The following ABTB3 variants were observed in gnomAD, a reference collection of about 807,000 sequenced individuals.
ABTB3 encodes the protein ankyrin repeat and BTB domain containing 3, also known as ankyrin repeat- and BTB/POZ domain-containing protein 3.
At chr12:107,403,299 C>T in the ABTB3 span, among the ~76,000 whole-genome samples, 1 of 152,164 alleles carries the variant, frequency 6.6e-6, no homozygotes, top group East Asian at 1.9e-4. Context: ...ATAAGGCCTT[C>T]TTCATTATAA....
chr12:107,457,696 C>T, the ABTB3 span, among the ~76,000 whole-genome samples: 1 of 152,248 alleles, frequency 6.6e-6, no homozygotes, highest in Admixed American at 6.5e-5. Flanking sequence ...GCAGCACTGT[C>T]ACCCAGGGCC....
chr12:107,537,352 A>C, the ABTB3 span, among the ~76,000 whole-genome samples: 1 of 152,158 alleles, frequency 6.6e-6, no homozygotes, highest in African/African-American at 2.4e-5. Flanking sequence ...ATAATGTATA[A>C]GTTCAGAAAG....
chr12:107,649,359 A>G, the ABTB3 span: 1 of 1,249,738 alleles, frequency 8.0e-7, no homozygotes, highest in Middle Eastern at 2.1e-4. Context: ...GCCTGCATGG[A>G]AGTGTCTGGA....
At chr12:107,431,743 T>A in the ABTB3 span, among the ~76,000 whole-genome samples, 1 of 152,174 alleles carries the variant, frequency 6.6e-6, no homozygotes, top group South Asian at 2.1e-4. Flanking sequence ...ATAGGGTAAA[T>A]GTACCTAATA....
the ABTB3 span, among the ~76,000 whole-genome samples, chr12:107,562,017 C>A: frequency 6.6e-6 from 1 of 152,298 alleles, no homozygotes. Context: ...CGGAAGGTGG[C>A]ATAATAGCTT....
At chr12:107,583,312 A>G in the ABTB3 span, among the ~76,000 whole-genome samples, 2 of 152,240 alleles carry the variant, frequency 1.3e-5, no homozygotes, top group Non-Finnish European at 2.9e-5. Flanking sequence ...GTATTATTCT[A>G]TAATTTTGGA....
chr12:107,649,136 G>C, the ABTB3 span: 2 of 1,392,292 alleles, frequency 1.4e-6, no homozygotes, highest in East Asian at 2.3e-5. Flanking sequence ...GCCTGAGTTG[G>C]GGCATCCACC....
chr12:107,574,852 C>A, the ABTB3 span, among the ~76,000 whole-genome samples: 2 of 152,194 alleles, frequency 1.3e-5, no homozygotes, highest in African/African-American at 4.8e-5. Flanking sequence ...TGACCTAGAA[C>A]ACTACCTTGG....
At chr12:107,368,099 A>G in the ABTB3 span, among the ~76,000 whole-genome samples, 1 of 152,256 alleles carries the variant, frequency 6.6e-6, no homozygotes, top group East Asian at 1.9e-4. Flanking sequence ...TAAGTTATGC[A>G]GCGGTAATAG....
the ABTB3 span, among the ~76,000 whole-genome samples, chr12:107,520,955 A>C: frequency 6.6e-6 from 1 of 152,136 alleles, no homozygotes; most frequent in African/African-American, 2.4e-5. Flanking sequence ...TGATTCAATG[A>C]GCTCACATCC....
the ABTB3 span, chr12:107,609,984 G>T: frequency 3.3e-6 from 2 of 600,738 alleles, no homozygotes; most frequent in Non-Finnish European, 5.9e-6. Flanking sequence ...TGCTATGGGA[G>T]CACACAGGAG....
chr12:107,332,785 G>T, the ABTB3 span, among the ~76,000 whole-genome samples: 60 of 152,302 alleles, frequency 3.9e-4, no homozygotes, highest in Middle Eastern at 3.4e-3. Flanking sequence ...ATGCGATGTT[G>T]TGACCCGCAG....
chr12:107,488,813 C>T, the ABTB3 span, among the ~76,000 whole-genome samples: 1 of 151,860 alleles, frequency 6.6e-6, no homozygotes, highest in African/African-American at 2.4e-5. Flanking sequence ...GCAGGATAAC[C>T]AAGAGGAGAG....
the ABTB3 span, among the ~76,000 whole-genome samples, chr12:107,430,587 A>G: frequency 3.3e-5 from 5 of 152,132 alleles, no homozygotes; most frequent in African/African-American, 1.2e-4. Context: ...CCATCTGTCT[A>G]TCCATCCGTC....
chr12:107,532,780 T>A, the ABTB3 span, among the ~76,000 whole-genome samples: 2 of 151,978 alleles, frequency 1.3e-5, no homozygotes, highest in Non-Finnish European at 2.9e-5. Context: ...GAGAAAAGCA[T>A]CCAGCTACAT....
chr12:107,658,537 A>G, the ABTB3 span: 1 of 152,642 alleles, frequency 6.6e-6, no homozygotes, highest in East Asian at 1.9e-4. Flanking sequence ...CGGGGTGAGA[A>G]TAAAACACCC....
At chr12:107,516,323 C>G in the ABTB3 span, among the ~76,000 whole-genome samples, 1 of 151,850 alleles carries the variant, frequency 6.6e-6, no homozygotes, top group Non-Finnish European at 1.5e-5. Flanking sequence ...CTCCGCCTCC[C>G]GAGTTCAAGT....
the ABTB3 span, among the ~76,000 whole-genome samples, chr12:107,403,741 G>A: frequency 2.0e-5 from 3 of 152,126 alleles, no homozygotes; most frequent in Non-Finnish European, 4.4e-5. Flanking sequence ...GATCCCAGAG[G>A]GCAGAGGAAA....
the ABTB3 span, among the ~76,000 whole-genome samples, chr12:107,470,014 C>CTCTCTCTCTCTCTCTCTCTCTCTT: frequency 1.5e-5 from 1 of 65,462 alleles, no homozygotes; most frequent in African/African-American, 7.4e-5. Context: ...CTTTCTTTCT[C>CTCTCTCTCTCTCTCTCTCTCTCTT]TCTCTCTCTC....
Sources: allele counts gnomAD v4.1 joint callset (sites outside exome capture counted in the v4.1 genomes callset), GRCh38; gene constraint gnomAD v4.1.1; transcripts MANE v1.5; gene names NCBI Gene and HGNC (gene_info 2026-07-23, HGNC 2026-07-21).